Variants in TEX29 observed in about 807,000 individuals in gnomAD.
TEX29 encodes testis-expressed protein 29.
Under a neutral mutation model 18.2 loss-of-function variants are expected in TEX29, and 26 were observed. That is an observed-to-expected ratio of 1.43 (90% CI 1.04 to 1.98). The LOEUF is 1.98. Ranked by LOEUF, TEX29 falls within the 30% of genes most tolerant of loss-of-function variation. TEX29 has a pLI of 0.00. For synonymous variants in TEX29, 83 were observed against 78.5 expected (o/e 1.06, Z -0.31); for missense variants, 177 against 194.2 (o/e 0.91, Z 0.53).
At chr13:111,318,116 C>T (rs2093657639), upstream of TEX29, among the ~76,000 whole-genome samples, 1 of 152,176 alleles carries the variant, frequency 6.6e-6, no homozygotes, top group African/African-American at 2.4e-5. Flanking sequence ...GTCTAGGAGC[C>T]CCCCGAATCC....
At chr13:111,326,564 G>C (rs1372277393) in intron 2 of TEX29, among the ~76,000 whole-genome samples, 1 of 147,244 alleles carries the variant, frequency 6.8e-6, no homozygotes, top group African/African-American at 2.5e-5. Context: ...ACGCGAGCCT[G>C]GTGCTGGCGG....
At chr13:111,323,800 C>T (rs927839992) in intron 2 of TEX29, among the ~76,000 whole-genome samples, 2 of 151,990 alleles carry the variant, frequency 1.3e-5, no homozygotes, top group Non-Finnish European at 2.9e-5. Context: ...GCCACACACA[C>T]GAGCCTCTGC....
chr13:111,318,264 G>C (rs1339889480), upstream of TEX29, among the ~76,000 whole-genome samples: 1 of 152,148 alleles, frequency 6.6e-6, no homozygotes, highest in Non-Finnish European at 1.5e-5. Context: ...CGTGGCACTT[G>C]TCCTATTTCC....
intron 2 of TEX29, among the ~76,000 whole-genome samples, chr13:111,325,657 A>G (rs775516599): frequency 9.2e-5 from 14 of 151,830 alleles, no homozygotes; most frequent in Non-Finnish European, 2.1e-4. Flanking sequence ...TTTAAAATGC[A>G]TGGCGACATT....
chr13:111,321,002 G>GT (rs981955600), intron 2 of TEX29, 54 bp downstream of exon 2: 6 of 723,266 alleles, frequency 8.3e-6, no homozygotes, highest in East Asian at 4.0e-5. Context: ...AGTTGGGGGG[G>GT]GGCACAGGGA....
chr13:111,332,348 C>T (rs1213768967), intron 3 of TEX29, among the ~76,000 whole-genome samples: 1 of 151,842 alleles, frequency 6.6e-6, no homozygotes, highest in Non-Finnish European at 1.5e-5. Flanking sequence ...TGTCTATTGC[C>T]AGCATATAGA....
chr13:111,316,836 C>T (rs575055632), upstream of TEX29, among the ~76,000 whole-genome samples: 6 of 152,290 alleles, frequency 3.9e-5, no homozygotes, highest in South Asian at 4.1e-4. Context: ...AATTGACTCA[C>T]GGTTCCACAT....
Position 111,344,156 on chromosome 13 carries a change from A to G in TEX29, c.*33A>G, listed in dbSNP as rs2093701119. On this transcript the variant is annotated 3_prime_UTR_variant, in exon 6 of 6. Coordinates refer to ENST00000283547, the MANE Select transcript of TEX29 (RefSeq NM_152324.3). Reference sequence around the variant, plus strand: ...GCATGAAGAAGTGGAGATTGTCAGAATTATCCAAATGAAATGGTACAGCAG... The same window carrying G: ...GCATGAAGAAGTGGAGATTGTCAGAGTTATCCAAATGAAATGGTACAGCAG... 1 of 1,596,596 alleles carries G rather than the reference A, an allele frequency of 6.3e-7. No individual in the cohort carries two copies. The highest frequency in any genetic ancestry group is 8.6e-7 in the Non-Finnish European group (1 of 1,164,572).
chr13:111,322,391 T>A (rs1298129394), intron 2 of TEX29, among the ~76,000 whole-genome samples: 1 of 152,192 alleles, frequency 6.6e-6, no homozygotes, highest in Non-Finnish European at 1.5e-5. Context: ...GAGAAAGCGC[T>A]CCCTCTTCCA....
chr13:111,322,497 G>A (rs72653590), intron 2 of TEX29, among the ~76,000 whole-genome samples: 24,535 of 152,242 alleles, frequency 0.16, 2,712 homozygotes, highest in African/African-American at 0.32. Flanking sequence ...TGGCCACCCC[G>A]TCTGTGAGGG....
At chr13:111,324,902 G>A (rs1484048277) in intron 2 of TEX29, among the ~76,000 whole-genome samples, 8 of 152,194 alleles carry the variant, frequency 5.3e-5, no homozygotes, top group South Asian at 2.1e-4. Flanking sequence ...CCGTGCTGGC[G>A]TGGGCGTGTT....
In TEX29 at chr13:111,322,381, G is replaced by C. The variant is rs1014440202; in HGVS notation, c.58+1433G>C. The stretch of plus-strand genomic sequence containing the variant: ...GCCTGTAGCCAGGGCAAGCACGGGG[G>C]AGAAAGCGCTCCCTCTTCCAGGCCC... On this transcript the variant is annotated intron_variant, in intron 2 of 5. Transcript: ENST00000283547. 2.0e-5 allele frequency among the ~76,000 whole-genome samples: 3 copies of C among 152,360 alleles called. No homozygotes were observed. In the East Asian group the frequency reaches 5.8e-4, roughly 29 times the overall value.
At chr13:111,323,724 CAG>C (rs1441249612) in intron 2 of TEX29, among the ~76,000 whole-genome samples, 2 of 151,452 alleles carry the variant, frequency 1.3e-5, no homozygotes, top group Admixed American at 6.6e-5. Context: ...TCTGCACACA[CAG>C]GGATCCGTGG....
chr13:111,329,422 T>C (rs1395767672), intron 3 of TEX29, among the ~76,000 whole-genome samples: 6 of 151,740 alleles, frequency 4.0e-5, no homozygotes, highest in Non-Finnish European at 8.8e-5. Flanking sequence ...TTCTTCCTTT[T>C]ACTTCTTTCT....
At chr13:111,327,026 G>A (rs968701376) in intron 2 of TEX29, among the ~76,000 whole-genome samples, 1 of 152,192 alleles carries the variant, frequency 6.6e-6, no homozygotes, top group African/African-American at 2.4e-5. Flanking sequence ...TGGCTGTGCA[G>A]TACCTGCCTG....
At chr13:111,323,590 C>G (rs553464373) in intron 2 of TEX29, among the ~76,000 whole-genome samples, 9 of 152,176 alleles carry the variant, frequency 5.9e-5, no homozygotes, top group African/African-American at 2.2e-4. Context: ...TCCACAGGCT[C>G]GGGGGTCTGT....
intron 3 of TEX29, among the ~76,000 whole-genome samples, chr13:111,335,682 C>T (rs991304309): frequency 1.3e-5 from 2 of 152,196 alleles, no homozygotes; most frequent in African/African-American, 4.8e-5. Flanking sequence ...ATGTAAGGCT[C>T]CTGAAAGTGG....
upstream of TEX29, among the ~76,000 whole-genome samples, chr13:111,319,618 G>A (rs989617112): frequency 2.0e-5 from 3 of 151,978 alleles, no homozygotes; most frequent in East Asian, 1.9e-4. Context: ...CAAGCCGTCC[G>A]CCACTCTTAT....
upstream of TEX29, among the ~76,000 whole-genome samples, chr13:111,316,692 C>T (rs567414063): frequency 7.2e-5 from 11 of 152,302 alleles, no homozygotes; most frequent in East Asian, 7.7e-4. Flanking sequence ...TTCCAAATAC[C>T]GGATGCACAT....
Sources: gnomAD v4.1 joint callset for allele counts (sites outside exome capture counted in the v4.1 genomes callset) on GRCh38, gnomAD v4.1.1 for gene constraint, MANE v1.5 for transcripts, NCBI Gene and HGNC (gene_info 2026-07-23, HGNC 2026-07-21) for gene names.